The following CTNNA2 variants were observed in gnomAD, a reference collection of about 807,000 sequenced individuals.
CTNNA2 encodes catenin alpha 2, also known as catenin alpha-2.
In CTNNA2, 42 loss-of-function variants were observed where a neutral mutation model predicts 101.0. The ratio of observed to expected loss-of-function variants is 0.42; its 90% confidence interval spans 0.32 to 0.54. The LOEUF (loss-of-function observed/expected upper bound fraction) is 0.54, where lower values mean the gene tolerates loss of function less well. Among genes scored for constraint, CTNNA2 ranks in the 20% least tolerant of loss-of-function variants. CTNNA2 has a pLI of 0.14. For synonymous variants in CTNNA2, 450 were observed against 456.4 expected, an observed-to-expected ratio of 0.99 and a Z score of 0.18; for missense variants, 871 against 1,223.1, an observed-to-expected ratio of 0.71 and a Z score of 4.29.
intron 18 of CTNNA2, among the ~76,000 whole-genome samples, chr2:80,623,372 A>G (rs1671342750): frequency 1.3e-5 from 2 of 151,854 alleles, no homozygotes; most frequent in South Asian, 4.1e-4. Flanking sequence ...ATTTTTTTTG[A>G]GCCTTCACAC....
At chr2:80,441,060 T>C (rs757210170) in intron 9 of CTNNA2, among the ~76,000 whole-genome samples, 134 of 152,260 alleles carry the variant, frequency 8.8e-4, no homozygotes, top group South Asian at 6.2e-4. Context: ...AAAGCTTTCA[T>C]TGGAAAATGG....
intron 7 of CTNNA2, among the ~76,000 whole-genome samples, chr2:80,341,203 A>C (rs908896731): frequency 6.6e-6 from 1 of 152,050 alleles, no homozygotes; most frequent in Non-Finnish European, 1.5e-5. Flanking sequence ...GATTTGTTAA[A>C]TCATTGGCCA....
intron 2 of CTNNA2, among the ~76,000 whole-genome samples, chr2:79,664,652 A>G (rs1207249354): frequency 6.6e-6 from 1 of 151,108 alleles, no homozygotes; most frequent in African/African-American, 2.4e-5. Flanking sequence ...TTGTAGTTTC[A>G]TCTCTGAAAC....
chr2:79,324,917 C>T (rs1676711656), intron 3 of CTNNA2, among the ~76,000 whole-genome samples: 1 of 152,126 alleles, frequency 6.6e-6, no homozygotes, highest in Admixed American at 6.6e-5. Flanking sequence ...ACCGCAGTGC[C>T]TCCAAATAAA....
chr2:80,455,387 G>C (rs976574403), intron 9 of CTNNA2, among the ~76,000 whole-genome samples: 3 of 152,180 alleles, frequency 2.0e-5, no homozygotes, highest in African/African-American at 7.2e-5. Context: ...GGTTGAGAAG[G>C]CAGGACTTTG....
intron 9 of CTNNA2, among the ~76,000 whole-genome samples, chr2:80,534,994 G>A (rs963713342): frequency 1.3e-5 from 2 of 152,272 alleles, no homozygotes; most frequent in Non-Finnish European, 1.5e-5. Flanking sequence ...AAAAATATTG[G>A]TTAGAAGTGT....
At chr2:79,206,312 G>T (rs1175333649) in intron 2 of CTNNA2, among the ~76,000 whole-genome samples, 2 of 151,616 alleles carry the variant, frequency 1.3e-5, no homozygotes, top group Admixed American at 1.3e-4. Flanking sequence ...AACCTGACTA[G>T]TACCTTTAAA....
chr2:79,718,901 A>G (rs1686291779), intron 2 of CTNNA2, among the ~76,000 whole-genome samples: 1 of 151,668 alleles, frequency 6.6e-6, no homozygotes, highest in Non-Finnish European at 1.5e-5. Flanking sequence ...CCTGTGATTA[A>G]ATAGTTGTTT....
intron 7 of CTNNA2, among the ~76,000 whole-genome samples, chr2:80,215,490 C>G (rs1389309133): frequency 6.6e-6 from 1 of 152,190 alleles, no homozygotes; most frequent in African/African-American, 2.4e-5. Flanking sequence ...AGTCAGGACC[C>G]TCAGCTGCAG....
intron 3 of CTNNA2, among the ~76,000 whole-genome samples, chr2:79,323,860 T>TTG (rs1197683809): frequency 6.6e-6 from 1 of 152,170 alleles, no homozygotes; most frequent in Non-Finnish European, 1.5e-5. Context: ...CCTATGGCCA[T>TTG]TGTTATATCT....
intron 4 of CTNNA2, among the ~76,000 whole-genome samples, chr2:79,451,880 C>T (rs192142865): frequency 1.2e-3 from 189 of 151,838 alleles, no homozygotes; most frequent in African/African-American, 4.4e-3. Flanking sequence ...TGTATACAAA[C>T]TGTACAATCC....
rs575700792 is a variant in CTNNA2, at chr2:80,147,498, A to G, written c.1056+237701A>G. Among the ~76,000 whole-genome samples the G allele has an allele frequency of 2.0e-5, 3 of 152,316 alleles. No homozygotes were observed. The East Asian group carries it at 5.8e-4, about 29-fold the overall frequency. ...GTCCTAGCTGAGGGGCACCAAGATTAGAAGAAAACACTCACCACCCACGAT... is the reference window on the plus strand; with the variant it reads ...GTCCTAGCTGAGGGGCACCAAGATTGGAAGAAAACACTCACCACCCACGAT... On this transcript the variant is annotated intron_variant, in intron 7 of 18. Transcript: ENST00000402739.
intron 12 of CTNNA2, among the ~76,000 whole-genome samples, chr2:80,569,730 C>T (rs2149693195): frequency 7.0e-6 from 1 of 143,254 alleles, no homozygotes; most frequent in African/African-American, 2.6e-5. Flanking sequence ...GCAAGCTCTG[C>T]CTCCCAGATT....
At chr2:80,297,074 TCTC>T (rs1387884289) in intron 7 of CTNNA2, among the ~76,000 whole-genome samples, 1 of 152,144 alleles carries the variant, frequency 6.6e-6, no homozygotes, top group Admixed American at 6.5e-5. Context: ...CCCGGAGAAG[TCTC>T]CTCTATTGGC....
intron 7 of CTNNA2, among the ~76,000 whole-genome samples, chr2:80,355,054 G>A (rs1369665195): frequency 6.6e-6 from 1 of 152,138 alleles, no homozygotes; most frequent in Non-Finnish European, 1.5e-5. Context: ...GATAAGGGCT[G>A]GTTTATCATG....
rs577041927 is a variant in CTNNA2 at position 79,201,036 on chromosome 2, G to C, written c.-406+2960G>C. On this transcript the variant is annotated intron_variant, in intron 2 of 21. Coordinates refer to the CTNNA2 transcript ENST00000466387. ...TTCAGTTTGACTTGGCTAGCAAAAAGATGGCCTTGTTATGTAAATAAAACC... is the reference window on the plus strand; with the variant it reads ...TTCAGTTTGACTTGGCTAGCAAAAACATGGCCTTGTTATGTAAATAAAACC... 2.6e-5 allele frequency among the ~76,000 whole-genome samples: 4 copies of C among 152,190 alleles called. No individual in the cohort carries two copies. The East Asian group carries it at 7.8e-4, about 29-fold the overall frequency.
chr2:80,106,439 T>G (rs1700895031), intron 7 of CTNNA2, among the ~76,000 whole-genome samples: 1 of 152,210 alleles, frequency 6.6e-6, no homozygotes, highest in Non-Finnish European at 1.5e-5. Flanking sequence ...ACTATCTATG[T>G]GTATCTGTGC....
At chr2:80,371,556 A>T (rs1452663741) in intron 7 of CTNNA2, among the ~76,000 whole-genome samples, 2 of 145,432 alleles carry the variant, frequency 1.4e-5, no homozygotes, top group East Asian at 4.0e-4. Flanking sequence ...GAAATCAGGG[A>T]TTTTTTTTTT....
At chr2:80,288,132 G>T (rs1441706690) in intron 7 of CTNNA2, among the ~76,000 whole-genome samples, 6 of 152,048 alleles carry the variant, frequency 3.9e-5, no homozygotes, top group East Asian at 1.9e-4. Flanking sequence ...CATTCCAAGT[G>T]GGGGACATTC....
Sources: gnomAD v4.1 joint callset for allele counts (sites outside exome capture counted in the v4.1 genomes callset) on GRCh38, gnomAD v4.1.1 for gene constraint, MANE v1.5 for transcripts, NCBI Gene and HGNC (gene_info 2026-07-23, HGNC 2026-07-21) for gene names.